Variants in NTM observed in about 807,000 individuals in gnomAD.
The protein encoded by NTM is IgLON family member 2.
NTM carries 13 observed loss-of-function variants against 42.1 expected under a neutral mutation model. That is an observed-to-expected ratio of 0.31 (90% CI 0.20 to 0.49). The LOEUF is 0.49. Ranked by LOEUF, NTM falls within the 20% of genes least tolerant of loss-of-function variation. The probability of loss-of-function intolerance (pLI) is 0.99; values close to 1 mark genes in which losing one functional copy is unlikely to be tolerated. For synonymous variants in NTM, 187 were observed against 179.2 expected (o/e 1.04, Z -0.35); for missense variants, 373 against 452.8 (o/e 0.82, Z 1.60).
chr11:131,598,725 TTCTTTC>T (rs1475968244), intron 1 of NTM, among the ~76,000 whole-genome samples: 1 of 91,556 alleles, frequency 1.1e-5, no homozygotes, highest in African/African-American at 3.9e-5. Context: ...CTTTCTTTCT[TTCTTTC>T]TTTCTTTCTT....
intron 2 of NTM, among the ~76,000 whole-genome samples, chr11:132,048,861 G>A (rs550049805): frequency 5.0e-5 from 7 of 139,416 alleles, no homozygotes; most frequent in East Asian, 2.1e-4. Context: ...CATGAAAACC[G>A]TGTACTCTTT....
Position 131,990,170 on chromosome 11 carries a change from C to T in NTM, c.167+78522C>T, listed in dbSNP as rs1243037219. On this transcript the variant is annotated intron_variant, in intron 2 of 8. Coordinates refer to ENST00000683400, the MANE Select transcript of NTM (RefSeq NM_001352005.2). Reference sequence around the variant, plus strand: ...ACCTAAGGCTGGAATTATTTTTAAACGTTTTCAACTCTCATAGCTGATAAA... The same window carrying T: ...ACCTAAGGCTGGAATTATTTTTAAATGTTTTCAACTCTCATAGCTGATAAA... 3.9e-5 allele frequency among the ~76,000 whole-genome samples: 6 copies of T among 152,006 alleles called. No homozygotes were observed. In the East Asian group the frequency reaches 7.7e-4, roughly 20 times the overall value.
chr11:131,566,426 G>A (rs541912677), intron 1 of NTM, among the ~76,000 whole-genome samples: 4 of 105,558 alleles, frequency 3.8e-5, no homozygotes, highest in East Asian at 3.0e-4. Flanking sequence ...TGTGTGTCTC[G>A]ATGTGCGTGT....
chr11:132,129,898 C>T (rs1251232619), intron 2 of NTM, among the ~76,000 whole-genome samples: 1 of 152,194 alleles, frequency 6.6e-6, no homozygotes, highest in Non-Finnish European at 1.5e-5. Flanking sequence ...TCACCTACCT[C>T]CATTTTCTTG....
chr11:131,946,861 C>G (rs1160748303), intron 2 of NTM, among the ~76,000 whole-genome samples: 1 of 152,146 alleles, frequency 6.6e-6, no homozygotes, highest in Non-Finnish European at 1.5e-5. Flanking sequence ...CATATTATTT[C>G]TAATTCTTCT....
At chr11:131,621,644 A>C (rs2062561659) in intron 1 of NTM, among the ~76,000 whole-genome samples, 1 of 44,402 alleles carries the variant, frequency 2.3e-5, no homozygotes. Context: ...TACAAAAAAA[A>C]AAAAAAAAAA....
chr11:131,738,309 C>G (rs913719307), intron 1 of NTM, among the ~76,000 whole-genome samples: 8 of 152,210 alleles, frequency 5.3e-5, no homozygotes, highest in African/African-American at 1.9e-4. Context: ...TGGGTTTCAC[C>G]CTGTGGAACA....
At chr11:132,140,797 C>T (rs74844835) in intron 2 of NTM, among the ~76,000 whole-genome samples, 170 of 152,248 alleles carry the variant, frequency 1.1e-3, no homozygotes, top group South Asian at 6.9e-3. Context: ...GAGCCATTTG[C>T]GTCGTGATGT....
At chr11:132,248,804 A>G (rs970501505) in intron 4 of NTM, among the ~76,000 whole-genome samples, 6 of 152,262 alleles carry the variant, frequency 3.9e-5, no homozygotes, top group Non-Finnish European at 8.8e-5. Flanking sequence ...AGCCGTTGCT[A>G]TGCAGGCTTT....
intron 1 of NTM, among the ~76,000 whole-genome samples, chr11:131,464,579 C>T (rs1951717613): frequency 6.6e-6 from 1 of 152,106 alleles, no homozygotes; most frequent in African/African-American, 2.4e-5. Flanking sequence ...TCCTTACTGC[C>T]CCCTCCCCAA....
At chr11:132,218,453 T>C (rs1347398528) in intron 4 of NTM, among the ~76,000 whole-genome samples, 1 of 152,210 alleles carries the variant, frequency 6.6e-6, no homozygotes, top group Non-Finnish European at 1.5e-5. Context: ...TAGTCTTGGC[T>C]GTGCTCTGAA....
rs7129913 is a variant in NTM at position 132,115,604 on chromosome 11, C to A, written c.168-30678C>A. ...GATGACTCTGTGGGAGGAGGCTCAG[C>A]CGTAGTCTGGATGGTGATGCTCTGT... On this transcript the variant is annotated intron_variant, in intron 2 of 8. Coordinates refer to ENST00000683400, the MANE Select transcript of NTM (RefSeq NM_001352005.2). 7.6e-4 allele frequency among the ~76,000 whole-genome samples: 116 copies of A among 152,272 alleles called. 3 individuals carry two copies. The East Asian group carries it at 0.019, about 24-fold the overall frequency.
chr11:131,534,287 T>G (rs908512689), intron 1 of NTM: 1 of 152,210 alleles, frequency 6.6e-6, no homozygotes, highest in Non-Finnish European at 1.5e-5. Flanking sequence ...CTCTAGAGTT[T>G]GAAACATGGG....
At chr11:131,913,555 T>A (rs524890) in intron 2 of NTM, among the ~76,000 whole-genome samples, 24,412 of 152,132 alleles carry the variant, frequency 0.16, 2,160 homozygotes, top group South Asian at 0.29. Flanking sequence ...TGAAATCGCG[T>A]TATCATGTAC....
chr11:131,407,796 C>T (rs138372410), intron 1 of NTM, among the ~76,000 whole-genome samples: 2,745 of 152,274 alleles, frequency 0.018, 75 homozygotes, highest in African/African-American at 0.063. Context: ...GGAGAGGAGA[C>T]GCTTCCTGAT....
At chr11:131,505,225 A>T (rs566668049) in intron 1 of NTM, among the ~76,000 whole-genome samples, 1 of 152,300 alleles carries the variant, frequency 6.6e-6, no homozygotes, top group South Asian at 2.1e-4. Context: ...GTAGGGATTT[A>T]AAAATGCTCT....
chr11:131,603,463 G>C (rs886344677), intron 1 of NTM, among the ~76,000 whole-genome samples: 2 of 152,004 alleles, frequency 1.3e-5, no homozygotes, highest in African/African-American at 4.8e-5. Flanking sequence ...CGTGGCTTCC[G>C]TTACTGCCAT....
intron 1 of NTM, among the ~76,000 whole-genome samples, chr11:131,840,942 C>T (rs920564775): frequency 2.6e-5 from 4 of 152,194 alleles, no homozygotes; most frequent in Non-Finnish European, 5.9e-5. Context: ...AAATGTTCAT[C>T]TTGAGGAGTG....
intron 2 of NTM, among the ~76,000 whole-genome samples, chr11:131,997,320 C>A (rs1593532076): frequency 6.6e-6 from 1 of 152,206 alleles, no homozygotes; most frequent in East Asian, 1.9e-4. Context: ...CTGCATCATT[C>A]CTGTTCCTCT....
Sources: allele counts gnomAD v4.1 joint callset (sites outside exome capture counted in the v4.1 genomes callset), GRCh38; gene constraint gnomAD v4.1.1; transcripts MANE v1.5; gene names NCBI Gene and HGNC (gene_info 2026-07-23, HGNC 2026-07-21).